Variants in FGF12 observed in about 807,000 individuals in gnomAD.
The protein encoded by FGF12 is fibroblast growth factor 12.
FGF12 carries 14 observed loss-of-function variants against 23.6 expected under a neutral mutation model. The observed-to-expected ratio is 0.59, with a 90% CI of 0.39 to 0.93. The LOEUF (loss-of-function observed/expected upper bound fraction) is 0.93, where lower values mean the gene tolerates loss of function less well. FGF12 is among the 40% of genes least tolerant of loss of function. The probability of loss-of-function intolerance (pLI) is 0.00; values close to 1 mark genes in which losing one functional copy is unlikely to be tolerated. For synonymous variants in FGF12, 62 were observed against 77.3 expected (o/e 0.80, Z 1.04); for missense variants, 175 against 217.8 (o/e 0.80, Z 1.24).
At chr3:192,583,626 A>T (rs1713252561) in intron 2 of FGF12, among the ~76,000 whole-genome samples, 1 of 152,084 alleles carries the variant, frequency 6.6e-6, no homozygotes, top group Non-Finnish European at 1.5e-5. Flanking sequence ...TGACTTTCAG[A>T]CCCCCTGACT....
chr3:192,226,123 C>T (rs34590195), intron 4 of FGF12, among the ~76,000 whole-genome samples: 1 of 152,164 alleles, frequency 6.6e-6, no homozygotes, highest in African/African-American at 2.4e-5. Flanking sequence ...CCTAAATTTC[C>T]TGACTTGGTA....
At chr3:192,703,084 G>A (rs1718353816) in intron 2 of FGF12, among the ~76,000 whole-genome samples, 1 of 152,132 alleles carries the variant, frequency 6.6e-6, no homozygotes, top group Non-Finnish European at 1.5e-5. Flanking sequence ...TAAATATGCT[G>A]TTTTTATATT....
intron 3 of FGF12, among the ~76,000 whole-genome samples, chr3:192,342,295 T>C (rs1255209999): frequency 6.6e-6 from 1 of 152,148 alleles, no homozygotes; most frequent in Non-Finnish European, 1.5e-5. Flanking sequence ...GAAGATAATA[T>C]GTATTACACA....
chr3:192,587,318 C>T (rs1560160322), intron 2 of FGF12, among the ~76,000 whole-genome samples: 1 of 151,800 alleles, frequency 6.6e-6, no homozygotes, highest in Admixed American at 6.6e-5. Context: ...TTCTAGAGGC[C>T]CCCACTTATT....
At chr3:192,687,050 C>G (rs1432867471) in intron 2 of FGF12, among the ~76,000 whole-genome samples, 1 of 150,988 alleles carries the variant, frequency 6.6e-6, no homozygotes, top group Non-Finnish European at 1.5e-5. Context: ...AGGATGGTCT[C>G]CATCTCCTGA....
intron 2 of FGF12, among the ~76,000 whole-genome samples, chr3:192,528,795 T>G (rs1454770167): frequency 6.6e-6 from 1 of 152,160 alleles, no homozygotes. Flanking sequence ...GGCTTGAGTC[T>G]TGCACCCTCT....
At chr3:192,215,756 A>G (rs930820026) in intron 4 of FGF12, among the ~76,000 whole-genome samples, 6 of 152,180 alleles carry the variant, frequency 3.9e-5, no homozygotes, top group African/African-American at 1.2e-4. Flanking sequence ...AATTCTGCCA[A>G]TCTTTTACTG....
chr3:192,511,693 C>T (rs1423338754), intron 2 of FGF12, among the ~76,000 whole-genome samples: 1 of 152,004 alleles, frequency 6.6e-6, no homozygotes, highest in Non-Finnish European at 1.5e-5. Context: ...ATGGGTTTTA[C>T]ATGCTTAAAA....
At chr3:192,423,989 C>T (rs1473840027) in intron 2 of FGF12, among the ~76,000 whole-genome samples, 1 of 152,024 alleles carries the variant, frequency 6.6e-6, no homozygotes, top group Non-Finnish European at 1.5e-5. Flanking sequence ...TAGCTCTGAT[C>T]TCCGAAATTT....
chr3:192,452,640 A>G (rs961271832), intron 2 of FGF12, among the ~76,000 whole-genome samples: 2 of 152,210 alleles, frequency 1.3e-5, no homozygotes, highest in Non-Finnish European at 2.9e-5. Context: ...GGAACACTAC[A>G]CAAACTAAAT....
intron 4 of FGF12, among the ~76,000 whole-genome samples, chr3:192,322,321 G>A (rs889024348): frequency 7.9e-5 from 12 of 151,634 alleles, no homozygotes; most frequent in African/African-American, 2.9e-4. Flanking sequence ...ATTGAAGGGG[G>A]CACAAAAAAA....
At chr3:192,363,721 A>G (rs1454366743) in intron 2 of FGF12, among the ~76,000 whole-genome samples, 3 of 152,160 alleles carry the variant, frequency 2.0e-5, no homozygotes, top group East Asian at 1.9e-4. Context: ...AGACTCAGCT[A>G]TCGTAAGTGA....
intron 2 of FGF12, among the ~76,000 whole-genome samples, chr3:192,376,890 G>A (rs762825370): frequency 5.3e-4 from 81 of 152,148 alleles, no homozygotes; most frequent in Admixed American, 2.9e-3. Flanking sequence ...ATCAGACTGA[G>A]ATTTTCCTCA....
In FGF12 at chr3:192,149,315, CT is replaced by C. The variant is rs143433495; in HGVS notation, c.428-5189del. On this transcript the variant is annotated intron_variant, in intron 5 of 5. Transcript: ENST00000445105. ...AAGGAATGACTGGCAGCATTTGAAC[CT>C]TTTTTTTATTATTATACTTTAAGTT... Among the ~76,000 whole-genome samples, 7 of 151,408 alleles carry C rather than the reference CT, an allele frequency of 4.6e-5. No homozygotes were observed. In the East Asian group the frequency reaches 5.8e-4, roughly 13 times the overall value.
At chr3:192,529,207 T>C (rs1725027140) in intron 2 of FGF12, among the ~76,000 whole-genome samples, 1 of 152,216 alleles carries the variant, frequency 6.6e-6, no homozygotes, top group South Asian at 2.1e-4. Context: ...GCTTTGCTGC[T>C]TAGAAATTTC....
chr3:192,548,475 A>G (rs995635662), intron 2 of FGF12, among the ~76,000 whole-genome samples: 1 of 152,168 alleles, frequency 6.6e-6, no homozygotes, highest in African/African-American at 2.4e-5. Flanking sequence ...AACTTGGAGC[A>G]GACTTCAAGC....
At chr3:192,310,022 T>C (rs1031340393) in intron 4 of FGF12, among the ~76,000 whole-genome samples, 2 of 152,166 alleles carry the variant, frequency 1.3e-5, no homozygotes, top group African/African-American at 4.8e-5. Flanking sequence ...TTATCGAGCA[T>C]GAAATCTCAT....
At chr3:192,702,297 G>T (rs1250530765) in intron 2 of FGF12, among the ~76,000 whole-genome samples, 2 of 152,000 alleles carry the variant, frequency 1.3e-5, no homozygotes, top group Non-Finnish European at 2.9e-5. Flanking sequence ...CCATATCTTG[G>T]CTATTGTGGA....
intron 4 of FGF12, among the ~76,000 whole-genome samples, chr3:192,273,923 A>T (rs1159189910): frequency 6.6e-6 from 1 of 151,648 alleles, no homozygotes; most frequent in Non-Finnish European, 1.5e-5. Flanking sequence ...AAAAAAAAGT[A>T]GAACTGAAAA....
Sources: allele counts gnomAD v4.1 joint callset (sites outside exome capture counted in the v4.1 genomes callset), GRCh38; gene constraint gnomAD v4.1.1; transcripts MANE v1.5; gene names NCBI Gene and HGNC (gene_info 2026-07-23, HGNC 2026-07-21).